The following ATP8A1 variants were observed in gnomAD, a reference collection of about 807,000 sequenced individuals.
The protein encoded by ATP8A1 is phospholipid-transporting ATPase IA.
A neutral mutation model predicts 177.7 loss-of-function variants in ATP8A1; 90 were observed. That is an observed-to-expected ratio of 0.51 (90% CI 0.43 to 0.60). The LOEUF (loss-of-function observed/expected upper bound fraction) is 0.60. Ranked by LOEUF, ATP8A1 falls within the 20% of genes least tolerant of loss-of-function variation. The pLI, the probability that ATP8A1 is intolerant of heterozygous loss-of-function variation, is 0.00. For synonymous variants in ATP8A1, 493 were observed against 485.9 expected (o/e 1.01, Z -0.19); for missense variants, 1,072 against 1,392.8 (o/e 0.77, Z 3.67).
chr4:42,481,378 A>G (rs968458755), intron 25 of ATP8A1, among the ~76,000 whole-genome samples: 59 of 152,318 alleles, frequency 3.9e-4, no homozygotes, highest in African/African-American at 1.4e-3. Context: ...TTTGCTTCCT[A>G]TATCTGGGTT....
At chr4:42,440,925 A>AGTTT (rs59472561) in intron 33 of ATP8A1, among the ~76,000 whole-genome samples, 1 of 151,208 alleles carries the variant, frequency 6.6e-6, no homozygotes, top group African/African-American at 2.4e-5. Context: ...GTACATAATT[A>AGTTT]ATTATTTAGT....
intron 33 of ATP8A1, among the ~76,000 whole-genome samples, chr4:42,435,886 G>A (rs1301201932): frequency 1.3e-5 from 2 of 152,040 alleles, no homozygotes; most frequent in Non-Finnish European, 2.9e-5. Flanking sequence ...TGTTCCTCCC[G>A]TCACTTATCA....
chr4:42,636,154 A>ACGCGCGCGTGCG (rs765930469), intron 1 of ATP8A1, among the ~76,000 whole-genome samples: 3 of 47,532 alleles, frequency 6.3e-5, no homozygotes, highest in Non-Finnish European at 1.4e-4. Context: ...ACACACACAC[A>ACGCGCGCGTGCG]CACGCACACA....
intron 15 of ATP8A1, among the ~76,000 whole-genome samples, chr4:42,564,245 G>A (rs1221848879): frequency 1.3e-5 from 2 of 152,158 alleles, no homozygotes; most frequent in African/African-American, 4.8e-5. Context: ...AGGAAAATGT[G>A]GGGTCAGAGC....
chr4:42,604,611 A>T (rs1411058410), intron 5 of ATP8A1, among the ~76,000 whole-genome samples: 1 of 152,208 alleles, frequency 6.6e-6, no homozygotes, highest in Non-Finnish European at 1.5e-5. Context: ...GTATAGGAAA[A>T]TACTTTGGCA....
At chr4:42,556,738 A>T (rs1176503939) in intron 15 of ATP8A1, among the ~76,000 whole-genome samples, 1 of 152,168 alleles carries the variant, frequency 6.6e-6, no homozygotes, top group Non-Finnish European at 1.5e-5. Context: ...TAACATAAAA[A>T]TACTGAGATT....
At chr4:42,518,857 G>T (rs573048471) in intron 22 of ATP8A1, among the ~76,000 whole-genome samples, 8 of 152,168 alleles carry the variant, frequency 5.3e-5, no homozygotes, top group Admixed American at 5.2e-4. Context: ...AGAATCTGTG[G>T]TCTGACACGC....
intron 19 of ATP8A1, among the ~76,000 whole-genome samples, chr4:42,544,830 T>G (rs1244916358): frequency 6.6e-6 from 1 of 152,120 alleles, no homozygotes; most frequent in Non-Finnish European, 1.5e-5. Flanking sequence ...GGTATCATAG[T>G]GTACAGTCAG....
In ATP8A1 at chr4:42,558,393, A is replaced by G. The variant is rs530737640; in HGVS notation, c.1341-2353T>C. ...ACGTTATGGTATTTTGCAAGAAGCA[A>G]TAAGGCAGGGAGTATCACAGTTAAG... is the stretch of plus-strand genomic sequence containing the variant. On this transcript the variant is annotated intron_variant, in intron 15 of 36. Coordinates refer to ENST00000381668, the MANE Select transcript of ATP8A1 (RefSeq NM_006095.2). Among the ~76,000 whole-genome samples, 23 of 152,322 alleles carry G rather than the reference A, an allele frequency of 1.5e-4. No homozygotes were observed. The South Asian group carries it at 3.5e-3, about 23-fold the overall frequency.
chr4:42,475,883 A>C (rs1226798300), intron 25 of ATP8A1, among the ~76,000 whole-genome samples: 1 of 151,920 alleles, frequency 6.6e-6, no homozygotes, highest in East Asian at 1.9e-4. Context: ...TACTGAAAAT[A>C]CAAAAGTTAG....
intron 24 of ATP8A1, among the ~76,000 whole-genome samples, chr4:42,492,508 T>A (rs1722837033): frequency 6.6e-6 from 1 of 152,102 alleles, no homozygotes; most frequent in South Asian, 2.1e-4. Context: ...CCTTAAAGCA[T>A]TTCTGGAGGG....
intron 25 of ATP8A1, among the ~76,000 whole-genome samples, chr4:42,472,747 C>CA (rs11315234): frequency 0.015 from 1,661 of 110,894 alleles, 24 homozygotes; most frequent in African/African-American, 0.047. Context: ...GAGACTGTCT[C>CA]AAAAAAAAAA....
At chr4:42,614,457 G>T (rs1032988522) in intron 5 of ATP8A1, among the ~76,000 whole-genome samples, 1 of 152,194 alleles carries the variant, frequency 6.6e-6, no homozygotes, top group Non-Finnish European at 1.5e-5. Flanking sequence ...TACCAGGCTT[G>T]AAACGTCTGG....
At chr4:42,652,918 C>A (rs1044264547) in intron 1 of ATP8A1, among the ~76,000 whole-genome samples, 1 of 141,776 alleles carries the variant, frequency 7.1e-6, no homozygotes, top group African/African-American at 2.5e-5. Flanking sequence ...ACACAATGAC[C>A]TTTGTGACCT....
Position 42,519,562 on chromosome 4 carries a change from C to T in ATP8A1, c.1947+2598G>A, listed in dbSNP as rs183674799. On this transcript the variant is annotated intron_variant, in intron 22 of 36. Coordinates refer to ENST00000381668, the MANE Select transcript of ATP8A1 (RefSeq NM_006095.2). ...AAGATTTCTTCATTTAGGGAATTTG[C>T]TCAGACCGTGGTACCCAGAGGGCCA... is the stretch of plus-strand genomic sequence containing the variant. 2.6e-5 allele frequency among the ~76,000 whole-genome samples: 4 copies of T among 152,298 alleles called. No individual in the cohort carries two copies. In the East Asian group the frequency reaches 7.7e-4, roughly 29 times the overall value.
chr4:42,654,967 C>G (rs1741475795), intron 1 of ATP8A1, among the ~76,000 whole-genome samples: 1 of 152,182 alleles, frequency 6.6e-6, no homozygotes, highest in Non-Finnish European at 1.5e-5. Flanking sequence ...AACGCCAGCC[C>G]CACAGAGTCA....
chr4:42,580,038 CT>C, intron 10 of ATP8A1, 60 bp from the exon 11 acceptor site: 1 of 1,312,822 alleles, frequency 7.6e-7, no homozygotes, highest in Non-Finnish European at 1.0e-6. Flanking sequence ...GCAATCTATA[CT>C]TAGTATTCTG....
rs1353221421 is a variant in ATP8A1 at position 42,420,285 on chromosome 4, G to A, written c.3305+2522C>T. Reference sequence around the variant, plus strand: ...TTAACCTTCTGATCACCAGTGGGCGGCAGTGGCAACATGGAGCACATGCTG... The same window carrying A: ...TTAACCTTCTGATCACCAGTGGGCGACAGTGGCAACATGGAGCACATGCTG... On this transcript the variant is annotated intron_variant, in intron 35 of 36. Coordinates refer to ENST00000381668, the MANE Select transcript of ATP8A1 (RefSeq NM_006095.2). 2.6e-5 allele frequency among the ~76,000 whole-genome samples: 4 copies of A among 152,328 alleles called. No homozygotes were observed. The South Asian group carries it at 6.2e-4, about 24-fold the overall frequency.
intron 17 of ATP8A1, among the ~76,000 whole-genome samples, chr4:42,552,297 G>A (rs1469391500): frequency 6.6e-6 from 1 of 152,140 alleles, no homozygotes; most frequent in Non-Finnish European, 1.5e-5. Context: ...TGTAACTTAT[G>A]TAATATGCCA....
Sources: gnomAD v4.1 joint callset for allele counts (sites outside exome capture counted in the v4.1 genomes callset) on GRCh38, gnomAD v4.1.1 for gene constraint, MANE v1.5 for transcripts, NCBI Gene and HGNC (gene_info 2026-07-23, HGNC 2026-07-21) for gene names.